EVA1A: variants seen among roughly 807,000 people sequenced by gnomAD.
The protein encoded by EVA1A is eva-1 homolog A, regulator of programmed cell death.
EVA1A carries 7 observed loss-of-function variants against 9.8 expected under a neutral mutation model. The observed-to-expected ratio is 0.71, with a 90% CI of 0.41 to 1.34. EVA1A has a LOEUF of 1.34. Ranked by LOEUF, EVA1A falls within the 40% of genes most tolerant of loss-of-function variation. The probability of loss-of-function intolerance (pLI) is 0.01; values close to 1 mark genes in which losing one functional copy is unlikely to be tolerated. For synonymous variants in EVA1A, 90 were observed against 85.6 expected (o/e 1.05, Z -0.28); for missense variants, 206 against 205.9 (o/e 1.00, Z 0.00).
intron 1 of EVA1A, among the ~76,000 whole-genome samples, chr2:75,557,277 G>A (rs1466420087): frequency 6.6e-6 from 1 of 152,208 alleles, no homozygotes. Context: ...TGCATTAGAA[G>A]CAATAGAAGA....
chr2:75,564,858 T>C (rs1676996601), upstream of EVA1A, among the ~76,000 whole-genome samples: 1 of 152,186 alleles, frequency 6.6e-6, no homozygotes, highest in South Asian at 2.1e-4. Context: ...CAAACAGAAA[T>C]ACAACCTCAG....
chr2:75,533,236 G>A (rs1306489394), intron 1 of EVA1A, among the ~76,000 whole-genome samples: 1 of 151,560 alleles, frequency 6.6e-6, no homozygotes, highest in Non-Finnish European at 1.5e-5. Flanking sequence ...GAGAAAAACG[G>A]CGTCCTAGCT....
chr2:75,556,290 T>A (rs1010802551), intron 1 of EVA1A, among the ~76,000 whole-genome samples: 1 of 152,120 alleles, frequency 6.6e-6, no homozygotes, highest in African/African-American at 2.4e-5. Flanking sequence ...GCAAAGTGTA[T>A]CTCCCTAGAA....
At chr2:75,505,757 T>C (rs1310704827) in intron 3 of EVA1A, among the ~76,000 whole-genome samples, 1 of 151,656 alleles carries the variant, frequency 6.6e-6, no homozygotes, top group Non-Finnish European at 1.5e-5. Flanking sequence ...GAGGTTGCAG[T>C]GAGCCGAGAT....
chr2:75,566,419 G>A (rs1454002024), intron 1 of EVA1A, among the ~76,000 whole-genome samples: 1 of 152,134 alleles, frequency 6.6e-6, no homozygotes, highest in Non-Finnish European at 1.5e-5. Flanking sequence ...AGGATGCCAG[G>A]AGCACACGTC....
At chr2:75,522,308 A>G (rs2103859465) in intron 2 of EVA1A, 57 bp downstream of exon 2, 1 of 152,266 alleles carries the variant, frequency 6.6e-6, no homozygotes, top group Admixed American at 6.5e-5. Context: ...GTCCCCTGGT[A>G]TGTCACCCCC....
At chr2:75,549,756 T>C (rs887856555) in intron 1 of EVA1A, among the ~76,000 whole-genome samples, 35 of 152,156 alleles carry the variant, frequency 2.3e-4, no homozygotes, top group African/African-American at 8.4e-4. Flanking sequence ...CCCAAGGCCA[T>C]TTCCCGTGTG....
chr2:75,520,116 C>G (rs1476377775), intron 2 of EVA1A, among the ~76,000 whole-genome samples: 1 of 152,156 alleles, frequency 6.6e-6, no homozygotes, highest in African/African-American at 2.4e-5. Context: ...CACATATACA[C>G]ACAGATAATA....
intron 1 of EVA1A, among the ~76,000 whole-genome samples, chr2:75,529,725 C>T (rs1186948147): frequency 6.6e-6 from 1 of 152,076 alleles, no homozygotes; most frequent in Non-Finnish European, 1.5e-5. Flanking sequence ...TCTATCACAA[C>T]CCCTGGATAC....
chr2:75,548,231 C>G (rs767459705), intron 1 of EVA1A, among the ~76,000 whole-genome samples: 1 of 152,232 alleles, frequency 6.6e-6, no homozygotes, highest in East Asian at 1.9e-4. Flanking sequence ...TTCCTGTGCT[C>G]AAGGGATTCT....
At chr2:75,546,724 A>G (rs192854943) in intron 1 of EVA1A, among the ~76,000 whole-genome samples, 5 of 152,236 alleles carry the variant, frequency 3.3e-5, no homozygotes, top group Non-Finnish European at 5.9e-5. Flanking sequence ...CTAACTTCCA[A>G]CACCTCAAAA....
chr2:75,546,712 TCC>T (rs1676341853), intron 1 of EVA1A, among the ~76,000 whole-genome samples: 1 of 152,116 alleles, frequency 6.6e-6, no homozygotes, highest in East Asian at 1.9e-4. Context: ...TATGGGGAAC[TCC>T]TAACTTCCAA....
chr2:75,528,322 G>A (rs1327302474), intron 1 of EVA1A, among the ~76,000 whole-genome samples: 1 of 152,194 alleles, frequency 6.6e-6, no homozygotes, highest in Admixed American at 6.5e-5. Context: ...CAGTCAGGGA[G>A]GGGTGAGGCC....
intron 1 of EVA1A, 127 bp downstream of exon 1, chr2:75,560,553 A>C (rs1349861437): frequency 6.6e-6 from 1 of 151,974 alleles, no homozygotes; most frequent in Admixed American, 6.5e-5. Context: ...ACTTGGGAAC[A>C]AAGCAGCTGC....
chr2:75,528,263 C>T (rs11901125), intron 1 of EVA1A, among the ~76,000 whole-genome samples: 9,634 of 152,180 alleles, frequency 0.063, 414 homozygotes, highest in Middle Eastern at 0.16. Context: ...TAGGCAGAAT[C>T]TGAGGGGTGG....
chr2:75,553,872 G>A (rs1482603145), intron 1 of EVA1A, among the ~76,000 whole-genome samples: 3 of 152,186 alleles, frequency 2.0e-5, no homozygotes, highest in Non-Finnish European at 4.4e-5. Flanking sequence ...CTCCTCCAGT[G>A]CTCATTCCGC....
rs189251767 is a variant in EVA1A, at chr2:75,515,059, G to A, written c.85+2997C>T. Among the ~76,000 whole-genome samples, 749 of 152,252 alleles carry A rather than the reference G, an allele frequency of 4.9e-3. 6 individuals are homozygous for A. The highest frequency in any genetic ancestry group is 0.01 in the Middle Eastern group (3 of 294). ...GTTTCCATTTTGCATTTTTCTGCCAGAATTTGAGCTGTTTATGTTTTATTG... is the reference window on the plus strand; with the variant it reads ...GTTTCCATTTTGCATTTTTCTGCCAAAATTTGAGCTGTTTATGTTTTATTG... On this transcript the variant is annotated intron_variant, in intron 3 of 3. Coordinates refer to ENST00000393913, the MANE Select transcript of EVA1A (RefSeq NM_001135032.2).
At chr2:75,541,851 A>G (rs778150038) in intron 1 of EVA1A, 1 of 152,142 alleles carries the variant, frequency 6.6e-6, no homozygotes, top group Non-Finnish European at 1.5e-5. Flanking sequence ...CTAACCCTCC[A>G]TCCCACTGTC....
chr2:75,538,302 A>G (rs930548203), intron 1 of EVA1A, among the ~76,000 whole-genome samples: 4 of 152,186 alleles, frequency 2.6e-5, no homozygotes, highest in African/African-American at 9.7e-5. Context: ...TCCCACCAAC[A>G]AAAAATAAAA....
Sources: gnomAD v4.1 joint callset for allele counts (sites outside exome capture counted in the v4.1 genomes callset) on GRCh38, gnomAD v4.1.1 for gene constraint, MANE v1.5 for transcripts, NCBI Gene and HGNC (gene_info 2026-07-23, HGNC 2026-07-21) for gene names.